The following SMOX variants were observed in gnomAD, a reference collection of about 807,000 sequenced individuals.
SMOX encodes flavin containing amine oxidase.
Under a neutral mutation model 51.0 loss-of-function variants are expected in SMOX, and 22 were observed. The ratio of observed to expected loss-of-function variants is 0.43; its 90% CI spans 0.31 to 0.62. SMOX has a LOEUF of 0.62. Ranked by LOEUF, SMOX falls within the 20% of genes least tolerant of loss-of-function variation. The pLI is 0.10. For missense variants in SMOX, 566 were observed against 777.7 expected (o/e 0.73, Z 3.24); for synonymous variants, 282 against 307.8 (o/e 0.92, Z 0.88).
chr20:4,186,665 G>T, intron 6 of SMOX: 1 of 746,568 alleles, frequency 1.3e-6, no homozygotes, highest in South Asian at 1.4e-5. Flanking sequence ...CTGGGCTTTC[G>T]GCGCCTTGTG....
intron 2 of SMOX, 25 bp downstream of exon 2, chr20:4,175,288 G>T (rs2295484): frequency 0.28 from 442,511 of 1,607,210 alleles, 68,421 homozygotes; most frequent in African/African-American, 0.59. Context: ...GTCCAGCCCA[G>T]CCACCTCCCC....
chr20:4,173,406 G>C (rs925416860), intron 1 of SMOX, among the ~76,000 whole-genome samples: 1 of 152,202 alleles, frequency 6.6e-6, no homozygotes, highest in South Asian at 2.1e-4. Context: ...CTTGGGTTCT[G>C]TCTACTGCTG....
chr20:4,170,117 G>T lies in SMOX; in HGVS notation c.-26-4913G>T, dbSNP rs1426564922. Among the ~76,000 whole-genome samples, 1 of 150,108 alleles carries T rather than the reference G, an allele frequency of 6.7e-6. No homozygotes were observed. Among genetic ancestry groups the T allele is most frequent in the Non-Finnish European group, 1.5e-5 (1 of 67,558 alleles). ...TTATCCTTGGAGGGTGGGGCTGGGA[G>T]ATTGAGACCCGCATGGGTGAGGCTC... On this transcript the variant is annotated intron_variant, in intron 1 of 6. Coordinates refer to ENST00000305958, the MANE Select transcript of SMOX (RefSeq NM_175839.3). This position sits in a 1 kb window ranked among gnomAD's most constrained non-coding sequence, Gnocchi z 4.6.
Position 4,187,496 on chromosome 20 carries a change from G to A in SMOX, c.*89G>A. On this transcript the variant is annotated 3_prime_UTR_variant, in exon 7 of 7. Transcript: ENST00000305958. The surrounding 1 kb of genome is among the most constrained non-coding windows in gnomAD (Gnocchi z 4.8). Reference sequence around the variant, plus strand: ...TGTGCTCCTGCCTTCCTGATCCTCTGTAGAAAGGATTTTTATCTTCTGTAG... The same window carrying A: ...TGTGCTCCTGCCTTCCTGATCCTCTATAGAAAGGATTTTTATCTTCTGTAG... The A allele has an allele frequency of 6.5e-7, 1 of 1,539,944 alleles. No individual in the cohort carries two copies. The highest frequency in any genetic ancestry group is 1.7e-4 in the Middle Eastern group (1 of 5,734).
chr20:4,151,691 C>G (rs951052044), intron 1 of SMOX, among the ~76,000 whole-genome samples: 4 of 152,224 alleles, frequency 2.6e-5, no homozygotes, highest in Non-Finnish European at 5.9e-5. Flanking sequence ...ATACCTTCCT[C>G]AAATGCCTTC....
intron 3 of SMOX, among the ~76,000 whole-genome samples, chr20:4,180,214 T>C (rs1007609523): frequency 6.6e-6 from 1 of 152,152 alleles, no homozygotes; most frequent in African/African-American, 2.4e-5. Context: ...TGAAACAATT[T>C]CCCTCACTTT....
At chr20:4,168,441 C>T (rs894087934) in intron 1 of SMOX, among the ~76,000 whole-genome samples, 2 of 152,096 alleles carry the variant, frequency 1.3e-5, no homozygotes, top group East Asian at 1.9e-4. Flanking sequence ...CTCTGGGAAG[C>T]GGATTAGGAA....
chr20:4,163,160 A>G (rs1369148356), intron 1 of SMOX, among the ~76,000 whole-genome samples: 1 of 151,772 alleles, frequency 6.6e-6, no homozygotes, highest in Non-Finnish European at 1.5e-5. Flanking sequence ...CTGCAACTGG[A>G]ACCTGAGCCT....
rs116913513 is a variant in SMOX at position 4,156,117 on chromosome 20, T to A, written c.-27+7140T>A. Among the ~76,000 whole-genome samples the A allele has an allele frequency of 5.9e-4, 90 of 152,308 alleles. 1 individual carries two copies. In the East Asian group the frequency reaches 0.016, roughly 26 times the overall value. On this transcript the variant is annotated intron_variant, in intron 1 of 6. Transcript: ENST00000305958. ...AACTGGCAAATTCACTCCACTACCC[T>A]ACGGGAGATTCAGAATACATTTAAG...
intron 1 of SMOX, among the ~76,000 whole-genome samples, chr20:4,158,798 A>G (rs1986161242): frequency 6.6e-6 from 1 of 151,852 alleles, no homozygotes; most frequent in Non-Finnish European, 1.5e-5. Flanking sequence ...CCCCACCCAT[A>G]ACCAGATCTC....
Position 4,153,133 on chromosome 20 carries a change from C to A in SMOX, c.-27+4156C>A, listed in dbSNP as rs1230321778. 6.6e-6 allele frequency among the ~76,000 whole-genome samples: 1 copy of A among 152,138 alleles called. No homozygotes were observed. The highest frequency in any genetic ancestry group is 1.5e-5 in the Non-Finnish European group (1 of 68,038). The stretch of plus-strand genomic sequence containing the variant: ...GGTGACCGAATTTTTCTGCTTCATG[C>A]CCCACTTTTTCTTCCAGGAGGGGCT... On this transcript the variant is annotated intron_variant, in intron 1 of 6. Coordinates refer to ENST00000305958, the MANE Select transcript of SMOX (RefSeq NM_175839.3). This position sits in a 1 kb window ranked among gnomAD's most constrained non-coding sequence, Gnocchi z 4.4.
intron 1 of SMOX, among the ~76,000 whole-genome samples, chr20:4,160,944 C>T (rs962149028): frequency 2.6e-5 from 4 of 152,190 alleles, no homozygotes; most frequent in Non-Finnish European, 4.4e-5. Flanking sequence ...ACCCCCTCCC[C>T]GGGGCTGGAG....
chr20:4,149,815 A>G lies in SMOX; in HGVS notation c.-27+838A>G, dbSNP rs185664478. Among the ~76,000 whole-genome samples, 2 of 152,272 alleles carry G rather than the reference A, an allele frequency of 1.3e-5. No individual in the cohort carries two copies. Among genetic ancestry groups the G allele is most frequent in the Non-Finnish European group, 2.9e-5 (2 of 68,022 alleles). ...GTTTGCAGAACCTGCTGTTGGTGGCACATCACGTACCAGTCTGTGGGGGCA... is the reference window on the plus strand; with the variant it reads ...GTTTGCAGAACCTGCTGTTGGTGGCGCATCACGTACCAGTCTGTGGGGGCA... On this transcript the variant is annotated intron_variant, in intron 1 of 6. Transcript: ENST00000305958. The surrounding 1 kb of genome is among the most constrained non-coding windows in gnomAD (Gnocchi z 6.0).
At chr20:4,156,623 C>G (rs969948105) in intron 1 of SMOX, among the ~76,000 whole-genome samples, 13 of 152,198 alleles carry the variant, frequency 8.5e-5, no homozygotes, top group African/African-American at 3.1e-4. Flanking sequence ...TATTTCTGGG[C>G]CGAGAGCCAG....
chr20:4,163,466 G>T (rs6139338), intron 1 of SMOX, among the ~76,000 whole-genome samples: 17,901 of 152,244 alleles, frequency 0.12, 1,201 homozygotes, highest in South Asian at 0.26. Flanking sequence ...CTTCCACTCT[G>T]GGGAGTCTCT....
chr20:4,182,704 T>G lies in SMOX; in HGVS notation c.1225T>G (p.Cys409Gly). The part of the protein sequence containing the change: ...YPPELWYRKI[C>G]GFDVLYPPER... ...ACCTGAGCTCTGGTACCGCAAGATCTGCGGCTTTGATGTCCTCTACCCGCC... is the reference window on the plus strand; with the variant it reads ...ACCTGAGCTCTGGTACCGCAAGATCGGCGGCTTTGATGTCCTCTACCCGCC... The change falls in exon 5 of 7, where the codon TGC (cysteine) becomes GGC (glycine). Residue 409 changes from cysteine (C) to glycine (G), a missense_variant. By Grantham distance (159) the Cys-to-Gly change is radical. Around this residue, in one of 3 missense-constraint regions of SMOX, gnomAD observed 347 missense variants for 481.8 expected, o/e 0.72. Coordinates refer to ENST00000305958, the MANE Select transcript of SMOX (RefSeq NM_175839.3). The surrounding 1 kb of genome is among the most constrained non-coding windows in gnomAD (Gnocchi z 8.4). 1 of 1,614,140 alleles carries G rather than the reference T, an allele frequency of 6.2e-7. No homozygotes were observed. Among genetic ancestry groups the G allele is most frequent in the Non-Finnish European group, 8.5e-7 (1 of 1,180,020 alleles).
chr20:4,173,486 C>A (rs1978584113), intron 1 of SMOX, among the ~76,000 whole-genome samples: 1 of 152,082 alleles, frequency 6.6e-6, no homozygotes. Context: ...GCTGATAGAC[C>A]CGTGGGGTGT....
chr20:4,168,645 C>A (rs1245939036), intron 1 of SMOX, among the ~76,000 whole-genome samples: 1 of 151,910 alleles, frequency 6.6e-6, no homozygotes, highest in Non-Finnish European at 1.5e-5. Flanking sequence ...CACCCTCTGC[C>A]TCCTGGGTTC....
chr20:4,179,679 A>G (rs1354016813), intron 3 of SMOX, among the ~76,000 whole-genome samples: 2 of 152,216 alleles, frequency 1.3e-5, no homozygotes, highest in Non-Finnish European at 2.9e-5. Context: ...TTGACCAAAT[A>G]CCAGTTCTAC....
Sources: gnomAD v4.1 joint callset for allele counts (sites outside exome capture counted in the v4.1 genomes callset) on GRCh38, gnomAD v4.1.1 for gene constraint, gnomAD v4.1.1 regional missense constraint, Gnocchi (gnomAD v3.1) non-coding constraint, MANE v1.5 for transcripts, NCBI Gene and HGNC (gene_info 2026-07-23, HGNC 2026-07-21) for gene names.